MAML3: variants seen among roughly 807,000 people sequenced by gnomAD.
MAML3 encodes mastermind-like protein 3.
MAML3 carries 27 observed loss-of-function variants against 101.9 expected under a neutral mutation model. The ratio of observed to expected loss-of-function variants is 0.27; its 90% CI spans 0.20 to 0.37. MAML3 has a LOEUF of 0.37. Among genes scored for constraint, MAML3 ranks in the 10% least tolerant of loss-of-function variants. The pLI is 1.00. For synonymous variants in MAML3, 501 were observed against 555.9 expected (o/e 0.90, Z 1.39); for missense variants, 1,316 against 1,444.9 (o/e 0.91, Z 1.45).
At chr4:139,782,358 G>GGT (rs1730233104) in intron 2 of MAML3, among the ~76,000 whole-genome samples, 2 of 152,074 alleles carry the variant, frequency 1.3e-5, no homozygotes, top group South Asian at 4.2e-4. Context: ...TAAAGATGGG[G>GGT]GTCTCACTAT....
intron 1 of MAML3, among the ~76,000 whole-genome samples, chr4:139,992,547 T>C (rs1223292308): frequency 6.6e-6 from 1 of 152,210 alleles, no homozygotes; most frequent in Non-Finnish European, 1.5e-5. Context: ...TTTTTGTTTT[T>C]TTGAGATGGA....
intron 1 of MAML3, among the ~76,000 whole-genome samples, chr4:140,120,099 T>A (rs944466885): frequency 1.3e-5 from 2 of 151,036 alleles, no homozygotes; most frequent in African/African-American, 4.9e-5. Flanking sequence ...TAGCCGGGCG[T>A]GGTGGCGGGC....
chr4:139,908,594 A>G (rs1298648831), intron 1 of MAML3, among the ~76,000 whole-genome samples: 1 of 152,242 alleles, frequency 6.6e-6, no homozygotes, highest in Non-Finnish European at 1.5e-5. Flanking sequence ...AAGGATGTTT[A>G]TTTACTAACA....
At chr4:139,909,643 C>T (rs1732881300) in intron 1 of MAML3, among the ~76,000 whole-genome samples, 3 of 152,012 alleles carry the variant, frequency 2.0e-5, no homozygotes, top group Admixed American at 6.6e-5. Flanking sequence ...TCAAGACCAG[C>T]CTGGCCAATA....
chr4:140,012,425 G>A (rs772058150), intron 1 of MAML3, among the ~76,000 whole-genome samples: 2 of 152,124 alleles, frequency 1.3e-5, no homozygotes, highest in Non-Finnish European at 2.9e-5. Flanking sequence ...GCAATCAGTC[G>A]TCCAGTTCAT....
intron 2 of MAML3, among the ~76,000 whole-genome samples, chr4:139,818,616 A>G (rs571657213): frequency 2.4e-4 from 36 of 152,346 alleles, no homozygotes; most frequent in African/African-American, 7.5e-4. Context: ...CAGAATACCA[A>G]TGAGAGTTGG....
intron 2 of MAML3, among the ~76,000 whole-genome samples, chr4:139,810,253 C>T (rs1730773702): frequency 6.7e-6 from 1 of 148,410 alleles, no homozygotes; most frequent in Non-Finnish European, 1.5e-5. Flanking sequence ...AGTGCAGTGG[C>T]CCCATCATAG....
At chr4:139,727,409 T>G (rs1414979539) in intron 3 of MAML3, among the ~76,000 whole-genome samples, 1 of 152,212 alleles carries the variant, frequency 6.6e-6, no homozygotes, top group African/African-American at 2.4e-5. Context: ...TATAAGAATT[T>G]AACTGTCCCA....
chr4:139,720,516 T>TA (rs1196328046), intron 4 of MAML3, among the ~76,000 whole-genome samples, 193 bp from the exon 5 acceptor site: 2 of 152,078 alleles, frequency 1.3e-5, no homozygotes, highest in Admixed American at 6.5e-5. Flanking sequence ...TTGAAAGTGT[T>TA]AAAAAATACA....
At chr4:140,068,598 C>G (rs1416966933) in intron 1 of MAML3, among the ~76,000 whole-genome samples, 1 of 152,318 alleles carries the variant, frequency 6.6e-6, no homozygotes, top group African/African-American at 2.4e-5. Flanking sequence ...GGATTTAAAT[C>G]CTAACCCGGT....
intron 1 of MAML3, chr4:140,134,346 A>G (rs1304842718): frequency 2.2e-6 from 1 of 456,740 alleles, no homozygotes; most frequent in Non-Finnish European, 4.4e-6. Context: ...GCAAGTCAAG[A>G]AGAAAACAGA....
chr4:140,044,890 T>C (rs1173003550), intron 1 of MAML3, among the ~76,000 whole-genome samples: 2 of 152,106 alleles, frequency 1.3e-5, no homozygotes, highest in African/African-American at 4.8e-5. Flanking sequence ...CCATGTAAGC[T>C]ACTTGAAATT....
At chr4:139,759,623 A>G (rs1318303485) in intron 2 of MAML3, among the ~76,000 whole-genome samples, 3 of 152,220 alleles carry the variant, frequency 2.0e-5, no homozygotes, top group Non-Finnish European at 2.9e-5. Context: ...GGCTGTCTCT[A>G]GGATTGTTAG....
At chr4:139,772,398 G>A (rs775123213) in intron 2 of MAML3, among the ~76,000 whole-genome samples, 7 of 150,782 alleles carry the variant, frequency 4.6e-5, no homozygotes, top group Non-Finnish European at 7.4e-5. Context: ...CTGGAGTGCA[G>A]TGGCGCGATC....
chr4:140,152,446 G>T (rs1729190280), intron 1 of MAML3, among the ~76,000 whole-genome samples: 1 of 152,118 alleles, frequency 6.6e-6, no homozygotes, highest in Non-Finnish European at 1.5e-5. Context: ...GGACGGGTCT[G>T]GGGAGGCGAG....
chr4:139,743,998 T>C (rs1207316389), intron 2 of MAML3, among the ~76,000 whole-genome samples: 1 of 152,206 alleles, frequency 6.6e-6, no homozygotes, highest in African/African-American at 2.4e-5. Flanking sequence ...TCACTAACAG[T>C]TGTCACTGCT....
chr4:139,761,690 C>T (rs1192147518), intron 2 of MAML3, among the ~76,000 whole-genome samples: 2 of 151,546 alleles, frequency 1.3e-5, no homozygotes, highest in African/African-American at 2.4e-5. Context: ...CAGGGAGCAC[C>T]TAGGCTAGTG....
At chr4:140,107,639 G>C (rs1316583864) in intron 1 of MAML3, among the ~76,000 whole-genome samples, 2 of 151,434 alleles carry the variant, frequency 1.3e-5, no homozygotes, top group Non-Finnish European at 2.9e-5. Context: ...TGAGTAGCTG[G>C]GATTACAGGC....
In MAML3 at chr4:139,928,599, G is replaced by A. The variant is rs996751115; in HGVS notation, c.469-37632C>T. On this transcript the variant is annotated intron_variant, in intron 1 of 4. Coordinates refer to ENST00000509479, the MANE Select transcript of MAML3 (RefSeq NM_018717.5). ...ATTAGGGGAAAGCACTCAAGGAAAT[G>A]GGAATAGCTTGAGTAAAAGCACAAA... Among the ~76,000 whole-genome samples the A allele has an allele frequency of 4.6e-5, 7 of 152,282 alleles. No individual in the cohort carries two copies. The South Asian group carries it at 8.3e-4, about 18-fold the overall frequency.
Sources: gnomAD v4.1 joint callset for allele counts (sites outside exome capture counted in the v4.1 genomes callset) on GRCh38, gnomAD v4.1.1 for gene constraint, MANE v1.5 for transcripts, NCBI Gene and HGNC (gene_info 2026-07-23, HGNC 2026-07-21) for gene names.